Variants in SLC4A4 observed in about 807,000 individuals in gnomAD.
The protein encoded by SLC4A4 is electrogenic sodium bicarbonate cotransporter 1.
Under a neutral mutation model 111.5 loss-of-function variants are expected in SLC4A4, and 27 were observed. That is an observed-to-expected ratio of 0.24 (90% CI 0.18 to 0.33). The LOEUF (loss-of-function observed/expected upper bound fraction) is 0.33, where lower values mean the gene tolerates loss of function less well. SLC4A4 is among the 10% of genes least tolerant of loss of function. SLC4A4 has a pLI of 1.00. For synonymous variants in SLC4A4, 443 were observed against 463.4 expected (o/e 0.96, Z 0.57); for missense variants, 909 against 1,315.5 (o/e 0.69, Z 4.78).
chr4:71,173,582 T>C (rs985830446), intron 2 of SLC4A4, among the ~76,000 whole-genome samples: 1 of 152,184 alleles, frequency 6.6e-6, no homozygotes, highest in Non-Finnish European at 1.5e-5. Flanking sequence ...GGTTTCACCA[T>C]GTTAGCCAGG....
chr4:71,323,935 TGA>T (rs1727308749), intron 3 of SLC4A4, among the ~76,000 whole-genome samples: 1 of 151,962 alleles, frequency 6.6e-6, no homozygotes, highest in South Asian at 2.1e-4. Context: ...GGCAGAGTAT[TGA>T]GAGTTTCATG....
At chr4:71,267,078 C>A (rs989362154) in intron 3 of SLC4A4, among the ~76,000 whole-genome samples, 1 of 152,116 alleles carries the variant, frequency 6.6e-6, no homozygotes, top group African/African-American at 2.4e-5. Flanking sequence ...ACACCATGTA[C>A]CAAGTACTGT....
chr4:71,106,804 G>A (rs1488964014), intron 2 of SLC4A4, among the ~76,000 whole-genome samples: 3 of 141,036 alleles, frequency 2.1e-5, no homozygotes, highest in East Asian at 4.3e-4. Flanking sequence ...GGATAGCATT[G>A]GGAGATATAC....
intron 16 of SLC4A4, among the ~76,000 whole-genome samples, chr4:71,511,379 TTTTTGGCAATG>T (rs551180355): frequency 5.3e-4 from 81 of 152,256 alleles, no homozygotes; most frequent in African/African-American, 1.9e-3. Context: ...ATGGTATTCT[TTTTTGGCAATG>T]TTTTCCCCTT....
At chr4:71,423,078 T>C (rs1303285743) in intron 7 of SLC4A4, among the ~76,000 whole-genome samples, 1 of 152,102 alleles carries the variant, frequency 6.6e-6, no homozygotes, top group Non-Finnish European at 1.5e-5. Context: ...TGGTTGTATA[T>C]CTAGAAAACC....
intron 4 of SLC4A4, among the ~76,000 whole-genome samples, chr4:71,348,171 T>A (rs1729493478): frequency 6.6e-6 from 1 of 152,162 alleles, no homozygotes. Context: ...TCAAAATAAC[T>A]CTAATCACCT....
intron 1 of SLC4A4, among the ~76,000 whole-genome samples, chr4:71,229,415 G>A (rs1469124678): frequency 6.6e-6 from 1 of 152,184 alleles, no homozygotes; most frequent in Non-Finnish European, 1.5e-5. Flanking sequence ...TGGGATAAGT[G>A]CCCAAGAGTA....
At chr4:71,143,546 C>T (rs1396750191) in intron 2 of SLC4A4, among the ~76,000 whole-genome samples, 2 of 152,194 alleles carry the variant, frequency 1.3e-5, no homozygotes, top group Non-Finnish European at 1.5e-5. Flanking sequence ...AATGGTTGAA[C>T]TAGTTTACAG....
chr4:71,415,797 C>T (rs1190735383), intron 7 of SLC4A4, among the ~76,000 whole-genome samples: 1 of 152,142 alleles, frequency 6.6e-6, no homozygotes, highest in Non-Finnish European at 1.5e-5. Flanking sequence ...AATCTGTCTT[C>T]AACATTCAGT....
chr4:71,252,662 A>G (rs929193842), intron 2 of SLC4A4, among the ~76,000 whole-genome samples: 9 of 152,170 alleles, frequency 5.9e-5, no homozygotes, highest in African/African-American at 2.2e-4. Flanking sequence ...TCATTGCCAT[A>G]TGAGTACTAG....
chr4:71,087,383 G>T (rs949156532), intron 1 of SLC4A4, among the ~76,000 whole-genome samples: 59 of 152,006 alleles, frequency 3.9e-4, no homozygotes, highest in Middle Eastern at 3.4e-3. Flanking sequence ...TTTTTGAAGG[G>T]TTTTTTGTGT....
intron 3 of SLC4A4, among the ~76,000 whole-genome samples, chr4:71,326,005 T>C (rs1727472777): frequency 6.6e-6 from 1 of 151,968 alleles, no homozygotes; most frequent in East Asian, 1.9e-4. Flanking sequence ...ATATATATAT[T>C]TAAGTGTGTT....
chr4:71,117,257 AGGT>A (rs940327003), intron 2 of SLC4A4, among the ~76,000 whole-genome samples: 6 of 152,190 alleles, frequency 3.9e-5, no homozygotes, highest in African/African-American at 1.4e-4. Context: ...CTGGGATGAT[AGGT>A]GTGAGCCACC....
At chr4:71,167,011 A>C (rs1744794939) in intron 2 of SLC4A4, among the ~76,000 whole-genome samples, 1 of 152,118 alleles carries the variant, frequency 6.6e-6, no homozygotes, top group African/African-American at 2.4e-5. Flanking sequence ...AACAATAAGC[A>C]TTTTATTATG....
intron 6 of SLC4A4, among the ~76,000 whole-genome samples, chr4:71,365,650 C>G (rs1228235639): frequency 6.6e-6 from 1 of 152,026 alleles, no homozygotes; most frequent in African/African-American, 2.4e-5. Context: ...GTTTGTGAAC[C>G]CAATTTCTTA....
At chr4:71,393,033 C>A (rs1418251936) in intron 6 of SLC4A4, among the ~76,000 whole-genome samples, 2 of 152,056 alleles carry the variant, frequency 1.3e-5, no homozygotes, top group African/African-American at 4.8e-5. Flanking sequence ...TAATAAAAGC[C>A]ATCTATGACA....
chr4:71,540,018 ATAGT>A (rs1386214196), intron 18 of SLC4A4, among the ~76,000 whole-genome samples: 1 of 152,198 alleles, frequency 6.6e-6, no homozygotes, highest in Admixed American at 6.5e-5. Flanking sequence ...TACTGTAGAC[ATAGT>A]TAAACACTTC....
At chr4:71,439,435 CAAAAAAAAAAAAAAAAA>C (rs56283596) in intron 7 of SLC4A4, among the ~76,000 whole-genome samples, 17 of 34,184 alleles carry the variant, frequency 5.0e-4, no homozygotes, top group African/African-American at 5.8e-4. Flanking sequence ...GACTCTGTCT[CAAAAAAAAAAAAAAAAA>C]AAAAAAAAAA....
At chr4:71,208,262 C>T (rs902856781) in intron 1 of SLC4A4, among the ~76,000 whole-genome samples, 2 of 151,984 alleles carry the variant, frequency 1.3e-5, no homozygotes, top group East Asian at 3.9e-4. Flanking sequence ...AACCCCATCT[C>T]TACTAAAAAT....
Sources: allele counts gnomAD v4.1 joint callset (sites outside exome capture counted in the v4.1 genomes callset), GRCh38; gene constraint gnomAD v4.1.1; transcripts MANE v1.5; gene names NCBI Gene and HGNC (gene_info 2026-07-23, HGNC 2026-07-21).